STEAP3: variants seen among roughly 807,000 people sequenced by gnomAD.
STEAP3 encodes metalloreductase STEAP3.
In STEAP3, 35 loss-of-function variants were observed where a neutral mutation model predicts 34.9. The observed-to-expected ratio is 1.00, with a 90% CI of 0.76 to 1.33. The LOEUF is 1.33. STEAP3 is among the 40% of genes most tolerant of loss of function. The pLI is 0.00. For synonymous variants in STEAP3, 281 were observed against 301.6 expected (o/e 0.93, Z 0.71); for missense variants, 652 against 667.6 (o/e 0.98, Z 0.26).
chr2:119,239,413 A>G (rs1677180968), intron 2 of STEAP3: 1 of 152,340 alleles, frequency 6.6e-6, no homozygotes, highest in Non-Finnish European at 1.5e-5. Context: ...GATTACAGGC[A>G]CGTGCCAACA....
In STEAP3 at chr2:119,230,991, C is replaced by T; in HGVS notation, c.-22C>T. 1 of 1,614,106 alleles carries T rather than the reference C, an allele frequency of 6.2e-7. No individual in the cohort carries two copies. The highest frequency in any genetic ancestry group is 8.5e-7 in the Non-Finnish European group (1 of 1,179,942). On this transcript the variant is annotated 5_prime_UTR_variant, in exon 2 of 6. Coordinates refer to ENST00000393110, the MANE Select transcript of STEAP3 (RefSeq NM_182915.3). ...TGAGGCTGTCGAGTGACCTGAGAGC[C>T]TCAGACCCTCACGTCAGCCGGATGT...
rs566886199 is a variant in STEAP3, at chr2:119,262,578, A to G, written c.1216-479A>G. Among the ~76,000 whole-genome samples the G allele has an allele frequency of 4.1e-4, 63 of 152,186 alleles. 2 individuals are homozygous for G. In the South Asian group the frequency reaches 0.013, roughly 31 times the overall value. The stretch of plus-strand genomic sequence containing the variant: ...TTTTTTGTAGAAACAGGGTCTCACT[A>G]TGTTGCCCAGGGTGGTCTTGAACCC... On this transcript the variant is annotated intron_variant, in intron 5 of 5. Coordinates refer to ENST00000393110, the MANE Select transcript of STEAP3 (RefSeq NM_182915.3).
chr2:119,258,774 ATTTTT>A (rs57860527), intron 5 of STEAP3, among the ~76,000 whole-genome samples: 1 of 121,050 alleles, frequency 8.3e-6, no homozygotes, highest in African/African-American at 3.2e-5. Context: ...CACCTGGCTA[ATTTTT>A]TTTTTTTTTT....
At chr2:119,229,165 T>TGGCTCAACAGGTGTC (rs1206157037) in intron 1 of STEAP3, among the ~76,000 whole-genome samples, 4 of 152,210 alleles carry the variant, frequency 2.6e-5, no homozygotes, top group Non-Finnish European at 5.9e-5. Flanking sequence ...TGACACCTGC[T>TGGCTCAACAGGTGTC]GGCTCAACAG....
intron 5 of STEAP3, among the ~76,000 whole-genome samples, chr2:119,262,216 A>T (rs909083781): frequency 2.4e-4 from 37 of 152,060 alleles, no homozygotes; most frequent in African/African-American, 8.7e-4. Context: ...AAATCAATCC[A>T]CTTTTTGTCT....
In STEAP3 at chr2:119,262,948, A is replaced by G. The variant is rs886635256; in HGVS notation, c.1216-109A>G. The G allele has an allele frequency of 2.0e-6, 3 of 1,480,082 alleles. No individual in the cohort carries two copies. The African/African-American group carries it at 4.1e-5, about 20-fold the overall frequency. 91.7% of individuals were successfully genotyped at this position (1,480,082 alleles called of 1,614,324 possible). The stretch of plus-strand genomic sequence containing the variant: ...GGGGTTCCAACCCATAGCGGTGAGT[A>G]CTAAAGCCACCCTCCTTCCCCTCCG... On this transcript the variant is annotated intron_variant, in intron 5 of 5. Transcript: ENST00000393110.
intron 2 of STEAP3, among the ~76,000 whole-genome samples, chr2:119,236,779 A>T (rs1677105972): frequency 6.6e-6 from 1 of 152,144 alleles, no homozygotes; most frequent in Non-Finnish European, 1.5e-5. Flanking sequence ...CCTGGAACAC[A>T]TCTGCCCTGT....
chr2:119,262,949 C>T, intron 5 of STEAP3, 108 bp from the exon 6 acceptor site: 2 of 1,496,542 alleles, frequency 1.3e-6, no homozygotes, highest in African/African-American at 1.4e-5. Flanking sequence ...GCGGTGAGTA[C>T]TAAAGCCACC....
Position 119,248,158 on chromosome 2 carries a change from G to A in STEAP3, c.1002G>A (p.Pro334=), listed in dbSNP as rs568494916. ...ALHALYSFCL[P]LRRAHRYDLV... ...ACGCCCTCTACAGCTTCTGCTTGCC[G>A]CTGCGCCGCGCCCACCGCTACGACC... The change falls in exon 4 of 6, where the codon CCG becomes CCA. Residue 334 remains proline, a synonymous_variant. Transcript: ENST00000393110. The A allele has an allele frequency of 3.3e-5, 53 of 1,604,706 alleles. No individual in the cohort carries two copies. Among genetic ancestry groups the A allele is most frequent in the Admixed American group, 2.5e-4 (15 of 59,848 alleles).
At chr2:119,237,177 A>G (rs947664306) in intron 2 of STEAP3, among the ~76,000 whole-genome samples, 8 of 152,206 alleles carry the variant, frequency 5.3e-5, no homozygotes, top group African/African-American at 1.9e-4. Flanking sequence ...CTCTGGATTT[A>G]TTCAGGATCA....
At position 119,230,902 on chromosome 2, in the gene STEAP3, G is replaced by A; in HGVS notation, c.-111G>A. ...GCCCTCGCCTCCTGAGAAACCGAGAGTCAGAACCAAAGCCAGGCTGTCCTG... is the reference window on the plus strand; with the variant it reads ...GCCCTCGCCTCCTGAGAAACCGAGAATCAGAACCAAAGCCAGGCTGTCCTG... On this transcript the variant is annotated 5_prime_UTR_variant, in exon 2 of 6. Coordinates refer to ENST00000393110, the MANE Select transcript of STEAP3 (RefSeq NM_182915.3). 2 of 1,487,490 alleles carry A rather than the reference G, an allele frequency of 1.3e-6. No individual in the cohort carries two copies. The highest frequency in any genetic ancestry group is 1.9e-6 in the Non-Finnish European group (2 of 1,067,122). 92.1% of individuals were successfully genotyped at this position (1,487,490 alleles called of 1,614,324 possible).
rs765275501 is a variant in STEAP3 at position 119,245,778 on chromosome 2, G to A, written c.312G>A (p.Glu104=). 2 of 1,614,226 alleles carry A rather than the reference G, an allele frequency of 1.2e-6. No individual in the cohort carries two copies. Among genetic ancestry groups the A allele is most frequent in the East Asian group, 4.5e-5 (2 of 44,882 alleles). ...PEVIFVAVFR[E]HYSSLCSLSD... ...TCATCTTTGTGGCTGTGTTCCGGGA[G>A]CACTACTCTTCACTGTGCAGTCTCA... The change falls in exon 3 of 6, where the codon GAG becomes GAA. Residue 104 remains glutamate, a synonymous_variant. Transcript: ENST00000393110.
chr2:119,247,721 T>C lies in STEAP3; in HGVS notation c.565T>C (p.Ser189Pro). The change falls in exon 4 of 6, where the codon TCG (serine) becomes CCG (proline). Residue 189 changes from serine (S) to proline (P), a missense_variant. Transcript: ENST00000393110. The part of the protein sequence containing the change: ...GDQPEAKRAV[S>P]EMALAMGFMP... ...CCAGCCAGAAGCCAAGCGTGCTGTC[T>C]CGGAGATGGCGCTCGCCATGGGCTT... 6.4e-7 allele frequency: 1 copy of C among 1,572,046 alleles called. No individual in the cohort carries two copies. The highest frequency in any genetic ancestry group is 1.2e-5 in the South Asian group (1 of 85,366).
chr2:119,257,288 A>G (rs1434396963), intron 5 of STEAP3, among the ~76,000 whole-genome samples: 8 of 152,228 alleles, frequency 5.3e-5, no homozygotes, highest in Admixed American at 5.2e-4. Flanking sequence ...GCAGAGTAAA[A>G]CATGGTTCTT....
chr2:119,240,562 A>G (rs1045679702), intron 2 of STEAP3, among the ~76,000 whole-genome samples: 1 of 152,260 alleles, frequency 6.6e-6, no homozygotes, highest in African/African-American at 2.4e-5. Context: ...TGGCCTGCGC[A>G]AGAGCAGACA....
rs369194875 is a variant in STEAP3 at position 119,257,806 on chromosome 2, T to G, written c.1215+2958T>G. On this transcript the variant is annotated intron_variant, in intron 5 of 5. Transcript: ENST00000393110. ...CACCAGGCTATGGGGACAGCCATGG[T>G]TCTTGAGGGGCCTTGGCTGACCCCT... 5.9e-4 allele frequency: 690 copies of G among 1,169,672 alleles called. 7 individuals carry two copies. In the African/African-American group the frequency reaches 9.9e-3, roughly 17 times the overall value. 72.5% of individuals were successfully genotyped at this position (1,169,672 alleles called of 1,614,324 possible). A position where few individuals can be genotyped will look rare whatever the true frequency, so the allele number is the denominator to read the frequency against.
At chr2:119,257,453 G>T in intron 5 of STEAP3, 6 of 1,514,610 alleles carry the variant, frequency 4.0e-6, no homozygotes, top group East Asian at 2.6e-5. Flanking sequence ...TGCGCATGCC[G>T]CAGTGTGTGG....
chr2:119,228,823 G>T (rs1679120808), intron 1 of STEAP3, among the ~76,000 whole-genome samples: 1 of 152,144 alleles, frequency 6.6e-6, no homozygotes, highest in South Asian at 2.1e-4. Flanking sequence ...TCTCAAGGCT[G>T]AGGGAGCTCA....
At chr2:119,238,035 G>T (rs1426269918) in intron 2 of STEAP3, among the ~76,000 whole-genome samples, 3 of 152,228 alleles carry the variant, frequency 2.0e-5, no homozygotes, top group Non-Finnish European at 4.4e-5. Flanking sequence ...CCACCGGATG[G>T]ATAGGCCACA....
Sources: gnomAD v4.1 joint callset for allele counts (sites outside exome capture counted in the v4.1 genomes callset) on GRCh38, gnomAD v4.1.1 for gene constraint, MANE v1.5 for transcripts, NCBI Gene and HGNC (gene_info 2026-07-23, HGNC 2026-07-21) for gene names.